The following SLC16A2 variants were observed in gnomAD, a reference collection of about 807,000 sequenced individuals.
SLC16A2 encodes the protein monocarboxylate transporter 8.
SLC16A2 carries 3 observed loss-of-function variants against 27.2 expected under a neutral mutation model. The ratio of observed to expected loss-of-function variants is 0.11; its 90% confidence interval spans 0.05 to 0.28. The LOEUF (loss-of-function observed/expected upper bound fraction) is 0.28, where lower values mean the gene tolerates loss of function less well. SLC16A2 is among the 10% of genes least tolerant of loss of function. SLC16A2 has a pLI of 1.00. For synonymous variants in SLC16A2, 202 were observed against 187.8 expected (o/e 1.08, Z -0.62); for missense variants, 295 against 458.5 (o/e 0.64, Z 3.26).
At chrX:74,496,265 C>T (rs1250880443) in intron 1 of SLC16A2, among the ~76,000 whole-genome samples, 1 of 39,592 alleles carries the variant, frequency 2.5e-5, no homozygotes, top group East Asian at 3.0e-4. Flanking sequence ...CACACACACA[C>T]ACACACACAC....
chrX:74,430,030 T>C (rs1456813375), intron 1 of SLC16A2, among the ~76,000 whole-genome samples: 1 of 112,312 alleles, frequency 8.9e-6, no homozygotes, highest in African/African-American at 3.2e-5. Context: ...TCCTTACATC[T>C]GCCTAATATG....
intron 1 of SLC16A2, among the ~76,000 whole-genome samples, chrX:74,467,967 C>G (rs772599422): frequency 9.0e-6 from 1 of 111,589 alleles, no homozygotes; most frequent in Admixed American, 9.6e-5. Context: ...ACATTTCAAG[C>G]CTCCAAACCA....
chrX:74,482,063 C>T (rs1929630447), intron 1 of SLC16A2, among the ~76,000 whole-genome samples: 1 of 110,805 alleles, frequency 9.0e-6, no homozygotes, highest in South Asian at 3.8e-4. Flanking sequence ...CTGGATATTT[C>T]ATATACAAGA....
At position 74,476,201 on chromosome X, in the gene SLC16A2, C is replaced by A. The variant is rs774233123; in HGVS notation, c.431-44789C>A. Among the ~76,000 whole-genome samples, 11 of 111,773 alleles carry A rather than the reference C, an allele frequency of 9.8e-5. No individual in the cohort carries two copies. In the East Asian group the frequency reaches 2.8e-3, roughly 29 times the overall value. ...CTCCTTGAAGAGGTCCTTCACATCC[C>A]TTGTAAGTTGGATTCCTAGGTATTT... On this transcript the variant is annotated intron_variant, in intron 1 of 5. Transcript: ENST00000587091.
intron 1 of SLC16A2, among the ~76,000 whole-genome samples, chrX:74,445,071 T>A (rs770891433): frequency 8.9e-6 from 1 of 112,152 alleles, no homozygotes; most frequent in African/African-American, 3.2e-5. Flanking sequence ...TTGCAGCTTG[T>A]CTCTGGATAT....
chrX:74,450,681 G>A (rs1227255838), intron 1 of SLC16A2, among the ~76,000 whole-genome samples: 3 of 111,848 alleles, frequency 2.7e-5, no homozygotes, highest in Non-Finnish European at 5.6e-5. Context: ...AATGGGGATT[G>A]CTGATTAGGT....
chrX:74,469,811 T>C (rs1239122178), intron 1 of SLC16A2, among the ~76,000 whole-genome samples: 1 of 111,501 alleles, frequency 9.0e-6, no homozygotes, highest in Non-Finnish European at 1.9e-5. Context: ...TTATAATTGA[T>C]GAACCTACAT....
At chrX:74,457,365 C>T (rs1332148566) in intron 1 of SLC16A2, among the ~76,000 whole-genome samples, 1 of 110,482 alleles carries the variant, frequency 9.1e-6, no homozygotes, top group Non-Finnish European at 1.9e-5. Context: ...TATGAGGAGA[C>T]CTAAAGGACA....
Position 74,481,253 on chromosome X carries a change from G to A in SLC16A2, c.431-39737G>A, listed in dbSNP as rs60347357. On this transcript the variant is annotated intron_variant, in intron 1 of 5. Coordinates refer to ENST00000587091, the MANE Select transcript of SLC16A2 (RefSeq NM_006517.5). ...AATGAGTTGGGAAATATTTCCTCCT[G>A]TTCTAGAAGATTTTGTGAAGGATTG... Among the ~76,000 whole-genome samples, 6 of 112,081 alleles carry A rather than the reference G, an allele frequency of 5.4e-5. No individual in the cohort carries two copies. In the East Asian group the frequency reaches 1.4e-3, roughly 26 times the overall value.
intron 1 of SLC16A2, among the ~76,000 whole-genome samples, chrX:74,503,145 C>A (rs1418787705): frequency 9.1e-6 from 1 of 109,891 alleles, no homozygotes; most frequent in Non-Finnish European, 1.9e-5. Flanking sequence ...CTTTAAGACC[C>A]TGACATTACC....
At chrX:74,482,284 G>C (rs6607472) in intron 1 of SLC16A2, among the ~76,000 whole-genome samples, 34,066 of 110,692 alleles carry the variant, frequency 0.31, 5,018 homozygotes, top group East Asian at 0.86. Context: ...GTCTCTCCTT[G>C]TGTTTATCCT....
At chrX:74,428,656 CACTTTCTGGGTGAAGGGTG>C (rs1928467661) in intron 1 of SLC16A2, among the ~76,000 whole-genome samples, 1 of 110,492 alleles carries the variant, frequency 9.1e-6, no homozygotes, top group African/African-American at 3.3e-5. Context: ...TCTTACTTTC[CACTTTCTGGGTGAAGGGTG>C]ACTTTCGATG....
intron 1 of SLC16A2, among the ~76,000 whole-genome samples, chrX:74,504,499 C>G (rs900642542): frequency 4.5e-5 from 5 of 112,146 alleles, no homozygotes; most frequent in Admixed American, 9.5e-5. Context: ...GACATGTGCT[C>G]TCTTCATTAG....
At chrX:74,444,825 C>A (rs1456749029) in intron 1 of SLC16A2, among the ~76,000 whole-genome samples, 2 of 111,821 alleles carry the variant, frequency 1.8e-5, no homozygotes, top group East Asian at 5.6e-4. Context: ...ATTTGCCCAG[C>A]CTAGCTTATA....
At chrX:74,525,641 T>C in intron 3 of SLC16A2, 109 bp from the exon 4 acceptor site, 1 of 934,127 alleles carries the variant, frequency 1.1e-6, no homozygotes, top group Non-Finnish European at 1.5e-6. Context: ...GGGGTTTCTG[T>C]CCTGCTCCAG....
chrX:74,476,520 T>C (rs903825685), intron 1 of SLC16A2, among the ~76,000 whole-genome samples: 12 of 111,959 alleles, frequency 1.1e-4, no homozygotes, highest in Non-Finnish European at 2.3e-4. Context: ...CTATGTTGAA[T>C]AGCAGTGGTG....
intron 1 of SLC16A2, among the ~76,000 whole-genome samples, chrX:74,519,246 C>T (rs1930364010): frequency 9.3e-6 from 1 of 107,102 alleles, no homozygotes; most frequent in Non-Finnish European, 1.9e-5. Context: ...GGTGAGATCT[C>T]GGCTCACTGC....
chrX:74,482,397 G>T (rs116317387), intron 1 of SLC16A2, among the ~76,000 whole-genome samples: 1 of 110,711 alleles, frequency 9.0e-6, no homozygotes, highest in Non-Finnish European at 1.9e-5. Flanking sequence ...TTTATTTCTC[G>T]CTCTCTTCTC....
chrX:74,431,239 A>G (rs1480167090), intron 1 of SLC16A2, among the ~76,000 whole-genome samples: 3 of 112,847 alleles, frequency 2.7e-5, no homozygotes, highest in African/African-American at 9.7e-5. Flanking sequence ...GGTGGATCAG[A>G]TAAACCAAAT....
Sources: gnomAD v4.1 joint callset for allele counts (sites outside exome capture counted in the v4.1 genomes callset) on GRCh38, gnomAD v4.1.1 for gene constraint, MANE v1.5 for transcripts, NCBI Gene and HGNC (gene_info 2026-07-23, HGNC 2026-07-21) for gene names.